The following ESRRB variants were observed in gnomAD, a reference collection of about 807,000 sequenced individuals.
ESRRB encodes the protein steroid hormone receptor ERR2.
A neutral mutation model predicts 46.0 loss-of-function variants in ESRRB; 16 were observed. The observed-to-expected ratio is 0.35, with a 90% CI of 0.24 to 0.53. ESRRB has a LOEUF of 0.53. Among genes scored for constraint, ESRRB ranks in the 20% least tolerant of loss-of-function variants. The probability of loss-of-function intolerance (pLI) is 0.93; values close to 1 mark genes in which losing one functional copy is unlikely to be tolerated. For synonymous variants in ESRRB, 246 were observed against 259.6 expected (o/e 0.95, Z 0.50); for missense variants, 488 against 607.4 (o/e 0.80, Z 2.07).
intron 1 of ESRRB, among the ~76,000 whole-genome samples, chr14:76,327,494 ATG>A (rs1383114205): frequency 2.6e-5 from 4 of 152,106 alleles, no homozygotes; most frequent in African/African-American, 9.6e-5. Context: ...GATAATGATG[ATG>A]ATGATGATGA....
At chr14:76,370,735 C>G (rs1884603362), upstream of ESRRB, among the ~76,000 whole-genome samples, 1 of 152,136 alleles carries the variant, frequency 6.6e-6, no homozygotes, top group African/African-American at 2.4e-5. Flanking sequence ...CTCCTATTCT[C>G]CTGGTAGTTG....
Position 76,499,249 on chromosome 14 carries a change from C to T in ESRRB, c.*791C>T, listed in dbSNP as rs1363731036. 1.2e-5 allele frequency: 3 copies of T among 251,592 alleles called. No individual in the cohort carries two copies. Among genetic ancestry groups the T allele is most frequent in the South Asian group, 5.0e-5 (1 of 20,036 alleles). The allele number at this position is 251,592 out of a possible 1,614,324, so 15.6% of individuals were successfully genotyped here. A position where few individuals can be genotyped will look rare whatever the true frequency, so the allele number is the denominator to read the frequency against. On this transcript the variant is annotated 3_prime_UTR_variant, in exon 7 of 7. Transcript: ENST00000644823. Reference sequence around the variant, plus strand: ...CGACTCCAGGGGCTGTAGACAGGAACGCGCTGGCACAGAGAAGAGCGGGGA... The same window carrying T: ...CGACTCCAGGGGCTGTAGACAGGAATGCGCTGGCACAGAGAAGAGCGGGGA...
chr14:76,415,455 T>A (rs1886656160), intron 1 of ESRRB, among the ~76,000 whole-genome samples: 1 of 151,328 alleles, frequency 6.6e-6, no homozygotes, highest in Admixed American at 6.6e-5. Flanking sequence ...AGGTCAGGAG[T>A]TTGAGACCAG....
intron 5 of ESRRB, among the ~76,000 whole-genome samples, chr14:76,483,931 G>A (rs1395357807): frequency 1.3e-5 from 2 of 152,172 alleles, no homozygotes; most frequent in Non-Finnish European, 1.5e-5. Flanking sequence ...TCGGCTCACT[G>A]CAACCTTCGC....
At chr14:76,417,632 G>A (rs767448462) in intron 1 of ESRRB, among the ~76,000 whole-genome samples, 2 of 152,186 alleles carry the variant, frequency 1.3e-5, no homozygotes. Context: ...GACTATGTTG[G>A]GGTAATTCTG....
At chr14:76,409,429 T>A (rs1212176143) in intron 1 of ESRRB, among the ~76,000 whole-genome samples, 4 of 152,092 alleles carry the variant, frequency 2.6e-5, no homozygotes, top group Non-Finnish European at 5.9e-5. Context: ...CACCCCCCAG[T>A]CCCTCTCTCT....
At chr14:76,494,535 G>A (rs189876057) in intron 6 of ESRRB, among the ~76,000 whole-genome samples, 1 of 152,234 alleles carries the variant, frequency 6.6e-6, no homozygotes, top group Admixed American at 6.5e-5. Flanking sequence ...TCAAACTCCC[G>A]ACCTCAGGTG....
At chr14:76,474,404 A>G (rs1194467255) in intron 3 of ESRRB, among the ~76,000 whole-genome samples, 3 of 152,274 alleles carry the variant, frequency 2.0e-5, no homozygotes, top group Non-Finnish European at 4.4e-5. Context: ...TTATTGAAAT[A>G]TAGTTCACCC....
At chr14:76,427,373 G>A (rs528885456) in intron 1 of ESRRB, among the ~76,000 whole-genome samples, 4 of 152,046 alleles carry the variant, frequency 2.6e-5, no homozygotes, top group South Asian at 4.2e-4. Flanking sequence ...GTGTGTGTAC[G>A]TGTACATGCA....
chr14:76,468,708 T>C lies in ESRRB; in HGVS notation c.577+6047T>C, dbSNP rs542032249. Among the ~76,000 whole-genome samples, 10 of 152,212 alleles carry C rather than the reference T, an allele frequency of 6.6e-5. No homozygotes were observed. In the South Asian group the frequency reaches 2.1e-3, roughly 32 times the overall value. Reference sequence around the variant, plus strand: ...CCTTTCCTCCTCCATAAAATGGGAATCATAATAGTGCCTATCTTCATCTTG... The same window carrying C: ...CCTTTCCTCCTCCATAAAATGGGAACCATAATAGTGCCTATCTTCATCTTG... On this transcript the variant is annotated intron_variant, in intron 3 of 6. Coordinates refer to ENST00000644823, the MANE Select transcript of ESRRB (RefSeq NM_001379180.1).
intron 5 of ESRRB, among the ~76,000 whole-genome samples, chr14:76,485,135 C>A (rs1299389719): frequency 6.6e-6 from 1 of 152,074 alleles, no homozygotes; most frequent in Non-Finnish European, 1.5e-5. Context: ...AATTCTTTGC[C>A]TCCTGACCTT....
chr14:76,476,909 G>T (rs75318482), intron 3 of ESRRB, among the ~76,000 whole-genome samples: 3 of 152,166 alleles, frequency 2.0e-5, no homozygotes, highest in African/African-American at 7.2e-5. Flanking sequence ...AAGCAAAACC[G>T]TTCCAGAAGT....
intron 6 of ESRRB, chr14:76,495,401 T>A (rs1890385847): frequency 1.3e-5 from 2 of 152,252 alleles, no homozygotes; most frequent in South Asian, 4.2e-4. Flanking sequence ...GGGCCTTGGC[T>A]GACCCCCAAG....
intron 1 of ESRRB, among the ~76,000 whole-genome samples, chr14:76,420,603 G>A (rs945127254): frequency 1.4e-5 from 2 of 145,314 alleles, no homozygotes; most frequent in Non-Finnish European, 3.0e-5. Flanking sequence ...GTTTGTGTAT[G>A]AGAGAGAGAG....
At chr14:76,363,855 G>T (rs941400358) in intron 1 of ESRRB, among the ~76,000 whole-genome samples, 1 of 152,216 alleles carries the variant, frequency 6.6e-6, no homozygotes, top group African/African-American at 2.4e-5. Flanking sequence ...AGAGAGGACA[G>T]GTTTGGGGTG....
intron 1 of ESRRB, among the ~76,000 whole-genome samples, chr14:76,337,991 G>A (rs1307946372): frequency 6.6e-6 from 1 of 152,326 alleles, no homozygotes; most frequent in East Asian, 1.9e-4. Flanking sequence ...TTAAGGGCAG[G>A]TTTTATTCCC....
intron 6 of ESRRB, among the ~76,000 whole-genome samples, chr14:76,494,890 G>A (rs919274131): frequency 2.0e-5 from 3 of 152,284 alleles, no homozygotes; most frequent in African/African-American, 4.8e-5. Flanking sequence ...CAGACACAGA[G>A]CTCAATCTTG....
rs148881854 is a variant in ESRRB, at chr14:76,401,942, C to T, written c.50+25491C>T. Among the ~76,000 whole-genome samples the T allele has an allele frequency of 5.9e-5, 9 of 152,300 alleles. No homozygotes were observed. The East Asian group carries it at 1.7e-3, about 29-fold the overall frequency. On this transcript the variant is annotated intron_variant, in intron 1 of 6. Transcript: ENST00000644823. Reference sequence around the variant, plus strand: ...AGGGTAAGTCAGCAAGCTGGAGACCCAGGAGAGCTGACAGTGTAATTCTAG... The same window carrying T: ...AGGGTAAGTCAGCAAGCTGGAGACCTAGGAGAGCTGACAGTGTAATTCTAG...
intron 5 of ESRRB, among the ~76,000 whole-genome samples, chr14:76,489,349 T>C (rs970132846): frequency 1.3e-5 from 2 of 151,704 alleles, no homozygotes; most frequent in African/African-American, 4.9e-5. Context: ...ATAAGGGAAA[T>C]TGGATGTCCA....
Sources: gnomAD v4.1 joint callset for allele counts (sites outside exome capture counted in the v4.1 genomes callset) on GRCh38, gnomAD v4.1.1 for gene constraint, MANE v1.5 for transcripts, NCBI Gene and HGNC (gene_info 2026-07-23, HGNC 2026-07-21) for gene names.